FRMD3: variants seen among roughly 807,000 people sequenced by gnomAD.
FRMD3 encodes the protein FERM domain containing 3, also known as FERM domain-containing protein 3.
FRMD3 carries 33 observed loss-of-function variants against 70.2 expected under a neutral mutation model. That is an observed-to-expected ratio of 0.47 (90% CI 0.36 to 0.63). The LOEUF (loss-of-function observed/expected upper bound fraction) is 0.63, where lower values mean the gene tolerates loss of function less well. Ranked by LOEUF, FRMD3 falls within the 20% of genes least tolerant of loss-of-function variation. The probability of loss-of-function intolerance (pLI) is 0.00; values close to 1 mark genes in which losing one functional copy is unlikely to be tolerated. For missense variants in FRMD3, 632 were observed against 711.4 expected, an observed-to-expected ratio of 0.89 and a Z score of 1.27; for synonymous variants, 279 against 255.9, an observed-to-expected ratio of 1.09 and a Z score of -0.86.
intron 1 of FRMD3, among the ~76,000 whole-genome samples, chr9:83,479,786 G>A (rs1251205230): frequency 7.0e-4 from 9 of 12,810 alleles, no homozygotes; most frequent in Non-Finnish European, 1.3e-3. Flanking sequence ...AGGGAGGGAG[G>A]GAAGGAAGGA....
At chr9:83,380,852 A>G (rs1159390771) in intron 2 of FRMD3, among the ~76,000 whole-genome samples, 1 of 152,206 alleles carries the variant, frequency 6.6e-6, no homozygotes, top group Non-Finnish European at 1.5e-5. Flanking sequence ...GGGGGCTTTT[A>G]AAAAGAATGA....
intron 13 of FRMD3, among the ~76,000 whole-genome samples, chr9:83,286,159 T>C (rs1834200349): frequency 1.3e-5 from 2 of 152,172 alleles, no homozygotes; most frequent in South Asian, 4.1e-4. Flanking sequence ...GCTTGTCTGA[T>C]AAATGGGTGG....
intron 3 of FRMD3, among the ~76,000 whole-genome samples, chr9:83,351,512 A>C (rs959093343): frequency 7.9e-5 from 12 of 152,264 alleles, no homozygotes; most frequent in African/African-American, 2.9e-4. Context: ...CCTTCTACAT[A>C]GCAAAGAAAA....
At chr9:83,535,722 T>C (rs1199006977) in intron 1 of FRMD3, among the ~76,000 whole-genome samples, 35 of 152,034 alleles carry the variant, frequency 2.3e-4, no homozygotes, top group Admixed American at 2.3e-3. Context: ...AGCCAGAAAA[T>C]TGGACACCCC....
chr9:83,397,329 TG>T (rs1825836080), intron 1 of FRMD3, among the ~76,000 whole-genome samples: 1 of 152,176 alleles, frequency 6.6e-6, no homozygotes. Context: ...ATCCCTAATC[TG>T]AGGCAATAAC....
chr9:83,309,535 CT>C lies in FRMD3; in HGVS notation c.926del (p.Lys309SerfsTer61). 1 of 1,572,302 alleles carries C rather than the reference CT, an allele frequency of 6.4e-7. No individual in the cohort carries two copies. The highest frequency in any genetic ancestry group is 1.2e-5 in the South Asian group (1 of 82,478). On this transcript the variant is annotated frameshift_variant and splice_region_variant, in exon 10 of 14. Transcript: ENST00000304195. LOFTEE classifies it high-confidence loss of function. ...KCGVENQAFY[K>X]YAKSSQIKTV... ...TAATTAAATGAATAAAAGCCACTTA[CT>C]TATAAAAGGCCTGGTTTTCCACTCC...
intron 6 of FRMD3, among the ~76,000 whole-genome samples, chr9:83,316,353 C>T (rs575519355): frequency 1.1e-3 from 174 of 151,974 alleles, no homozygotes; most frequent in African/African-American, 3.5e-3. Context: ...GATGGGGTTT[C>T]GACATGTTAG....
chr9:83,482,273 A>C (rs536389906), intron 1 of FRMD3, among the ~76,000 whole-genome samples: 2 of 152,362 alleles, frequency 1.3e-5, no homozygotes, highest in African/African-American at 4.8e-5. Flanking sequence ...GATTTCGACA[A>C]AAAACTGTGT....
chr9:83,271,503 T>C (rs1469037392), intron 13 of FRMD3, among the ~76,000 whole-genome samples: 1 of 152,196 alleles, frequency 6.6e-6, no homozygotes, highest in African/African-American at 2.4e-5. Context: ...CCAACATCAC[T>C]GAGAGACTGA....
the FRMD3 span, among the ~76,000 whole-genome samples, chr9:83,580,931 T>G: frequency 1.3e-5 from 2 of 152,030 alleles, no homozygotes; most frequent in Non-Finnish European, 2.9e-5. Context: ...TGAAAAAAAC[T>G]TCAGAAGAAA....
At chr9:83,378,742 AT>A (rs1564047714) in intron 2 of FRMD3, among the ~76,000 whole-genome samples, 1,554 of 122,608 alleles carry the variant, frequency 0.013, 47 homozygotes, top group African/African-American at 0.05. Context: ...TATACTTTAT[AT>A]TATATATAAT....
intron 13 of FRMD3, among the ~76,000 whole-genome samples, chr9:83,260,802 T>G (rs1832951175): frequency 6.6e-6 from 1 of 152,130 alleles, no homozygotes; most frequent in African/African-American, 2.4e-5. Context: ...ACTTCTAAAA[T>G]TTAGTAAGAT....
At chr9:83,315,633 A>G (rs1320945921) in intron 6 of FRMD3, among the ~76,000 whole-genome samples, 1 of 152,020 alleles carries the variant, frequency 6.6e-6, no homozygotes, top group Non-Finnish European at 1.5e-5. Flanking sequence ...CACGTTTGTA[A>G]GTTTCCTGAG....
rs1835450623 is a variant in FRMD3 at position 83,313,645 on chromosome 9, G to A, written c.684+15C>T. 4.4e-6 allele frequency: 7 copies of A among 1,600,116 alleles called. No homozygotes were observed. Among genetic ancestry groups the A allele is most frequent in the Non-Finnish European group, 6.0e-6 (7 of 1,167,278 alleles). On this transcript the variant is annotated intron_variant, in intron 7 of 13. Transcript: ENST00000304195. ...AACAACCATTATATGGTGACCTGCT[G>A]TGAGGGGCAGTTACCTTGCATGGGT... is the stretch of plus-strand genomic sequence containing the variant.
At chr9:83,292,816 T>G (rs912065631) in intron 12 of FRMD3, among the ~76,000 whole-genome samples, 3 of 152,016 alleles carry the variant, frequency 2.0e-5, no homozygotes, top group Non-Finnish European at 2.9e-5. Flanking sequence ...CCCAGCTAAT[T>G]TTTGTATTTT....
chr9:83,472,609 A>G (rs971811879), intron 1 of FRMD3, among the ~76,000 whole-genome samples: 1 of 152,180 alleles, frequency 6.6e-6, no homozygotes, highest in African/African-American at 2.4e-5. Context: ...CACAATATCC[A>G]TTCGGTGACT....
chr9:83,513,996 C>T (rs776614246), intron 1 of FRMD3, among the ~76,000 whole-genome samples: 2 of 152,192 alleles, frequency 1.3e-5, no homozygotes, highest in Admixed American at 6.6e-5. Context: ...TGGGTGCCTA[C>T]ACCACAAGGG....
At chr9:83,539,683 G>A (rs756717247), upstream of FRMD3, among the ~76,000 whole-genome samples, 3 of 152,094 alleles carry the variant, frequency 2.0e-5, no homozygotes, top group Non-Finnish European at 4.4e-5. Context: ...GGGGGAGTCC[G>A]CATTGCATTT....
chr9:83,471,399 A>G (rs910626239), intron 1 of FRMD3, among the ~76,000 whole-genome samples: 2 of 152,228 alleles, frequency 1.3e-5, no homozygotes, highest in Admixed American at 1.3e-4. Flanking sequence ...CTAGCGTTAC[A>G]CAATAATGCT....
Sources: gnomAD v4.1 joint callset for allele counts (sites outside exome capture counted in the v4.1 genomes callset) on GRCh38, gnomAD v4.1.1 for gene constraint, MANE v1.5 for transcripts, NCBI Gene and HGNC (gene_info 2026-07-23, HGNC 2026-07-21) for gene names.